The following PIP5K1A variants were observed in gnomAD, a reference collection of about 807,000 sequenced individuals.
PIP5K1A encodes the protein phosphatidylinositol-4-phosphate 5-kinase type 1 alpha.
In PIP5K1A, 46 loss-of-function variants were observed where a neutral mutation model predicts 72.9. That is an observed-to-expected ratio of 0.63 (90% confidence interval 0.50 to 0.81). The LOEUF (loss-of-function observed/expected upper bound fraction) is 0.81, where lower values mean the gene tolerates loss of function less well. Ranked by LOEUF, PIP5K1A falls within the 30% of genes least tolerant of loss-of-function variation. The pLI is 0.00. For synonymous variants in PIP5K1A, 228 were observed against 255.1 expected, an observed-to-expected ratio of 0.89 and a Z score of 1.01; for missense variants, 458 against 706.1, an observed-to-expected ratio of 0.65 and a Z score of 3.98.
intron 1 of PIP5K1A, among the ~76,000 whole-genome samples, chr1:151,219,994 G>T (rs1308827159): frequency 6.6e-6 from 1 of 150,906 alleles, no homozygotes; most frequent in Non-Finnish European, 1.5e-5. Context: ...CTCAATGCCT[G>T]TCTCTGTTTC....
chr1:151,219,242 G>T (rs1156803563), intron 1 of PIP5K1A, among the ~76,000 whole-genome samples: 3 of 152,016 alleles, frequency 2.0e-5, no homozygotes, highest in African/African-American at 7.2e-5. Flanking sequence ...TTAGCCAGGT[G>T]TGGTGGTGCA....
rs587629207 is a variant in PIP5K1A at position 151,227,168 on chromosome 1, A to T, written c.157-152A>T. 4.3e-5 allele frequency: 23 copies of T among 540,854 alleles called. No individual in the cohort carries two copies. In the South Asian group the frequency reaches 5.8e-4, roughly 14 times the overall value. The allele number at this position is 540,854 out of a possible 1,614,324, so 33.5% of individuals were successfully genotyped here. Reference sequence around the variant, plus strand: ...CATTGGGAACCAACATTATAGCTGTATATTTGCATGGGATAGATCTGAAGA... The same window carrying T: ...CATTGGGAACCAACATTATAGCTGTTTATTTGCATGGGATAGATCTGAAGA... On this transcript the variant is annotated intron_variant, in intron 3 of 15. Coordinates refer to ENST00000368888, the MANE Select transcript of PIP5K1A (RefSeq NM_001135638.2).
At chr1:151,244,232 A>C (rs1436467454) in intron 14 of PIP5K1A, among the ~76,000 whole-genome samples, 2 of 151,864 alleles carry the variant, frequency 1.3e-5, no homozygotes, top group Non-Finnish European at 2.9e-5. Flanking sequence ...TATGTACTGT[A>C]CAGTTAGGCC....
intron 14 of PIP5K1A, among the ~76,000 whole-genome samples, chr1:151,245,616 A>T (rs927582964): frequency 1.3e-5 from 2 of 152,108 alleles, no homozygotes; most frequent in Non-Finnish European, 2.9e-5. Context: ...GTTCATTGCA[A>T]CTTCCGCCTC....
intron 1 of PIP5K1A, among the ~76,000 whole-genome samples, chr1:151,216,451 T>G (rs1687633218): frequency 6.6e-6 from 1 of 151,958 alleles, no homozygotes; most frequent in Admixed American, 6.6e-5. Context: ...TGACGCTGGC[T>G]CCCATATCTC....
chr1:151,207,960 G>A (rs1390058193), intron 1 of PIP5K1A, among the ~76,000 whole-genome samples: 1 of 149,570 alleles, frequency 6.7e-6, no homozygotes, highest in African/African-American at 2.5e-5. Flanking sequence ...CTCCTCCTGA[G>A]TTCAAGTGAT....
In PIP5K1A at chr1:151,198,560, G is replaced by C. The variant is rs931407104; in HGVS notation, c.-437G>C. 5.1e-6 allele frequency: 1 copy of C among 197,734 alleles called. No individual in the cohort carries two copies. The highest frequency in any genetic ancestry group is 1.1e-5 in the Non-Finnish European group (1 of 94,076). The allele number at this position is 197,734 out of a possible 1,614,324, so 12.2% of individuals were successfully genotyped here. On this transcript the variant is annotated 5_prime_UTR_variant, in exon 1 of 16. Coordinates refer to ENST00000368888, the MANE Select transcript of PIP5K1A (RefSeq NM_001135638.2). ...CGCATGCGCAGTGCTCGGATTTTTT[G>C]CTTGGCTACCCGGAGTGAAGCGGCC...
chr1:151,227,902 A>G (rs972189263), intron 4 of PIP5K1A, among the ~76,000 whole-genome samples: 2 of 152,204 alleles, frequency 1.3e-5, no homozygotes, highest in Admixed American at 6.5e-5. Flanking sequence ...AGAAAAAAAA[A>G]TTAGTGAACA....
intron 3 of PIP5K1A, among the ~76,000 whole-genome samples, chr1:151,226,025 C>T (rs958507445): frequency 6.6e-6 from 1 of 151,724 alleles, no homozygotes; most frequent in Admixed American, 6.6e-5. Context: ...GTGATCTTCC[C>T]CACTTGGCCT....
At chr1:151,231,637 T>G in intron 4 of PIP5K1A, 34 bp from the exon 5 acceptor site, 2 of 1,605,622 alleles carry the variant, frequency 1.2e-6, no homozygotes, top group African/African-American at 1.3e-5. Flanking sequence ...CTACTTATAC[T>G]AGGAATTTTC....
intron 4 of PIP5K1A, 47 bp from the exon 5 acceptor site, chr1:151,231,624 A>T (rs1690088097): frequency 1.3e-6 from 2 of 1,558,870 alleles, no homozygotes; most frequent in East Asian, 4.5e-5. Context: ...TATTGTTATG[A>T]TCCTACTTAT....
At chr1:151,197,316 T>C (rs1684648716), upstream of PIP5K1A, among the ~76,000 whole-genome samples, 1 of 152,100 alleles carries the variant, frequency 6.6e-6, no homozygotes, top group African/African-American at 2.4e-5. Flanking sequence ...TTTCGCTCTG[T>C]CGTCCAGGCT....
intron 1 of PIP5K1A, among the ~76,000 whole-genome samples, chr1:151,221,655 G>A (rs1454672730): frequency 6.6e-6 from 1 of 152,114 alleles, no homozygotes; most frequent in Non-Finnish European, 1.5e-5. Flanking sequence ...ATAAATCATG[G>A]GTATGGATTA....
intron 1 of PIP5K1A, among the ~76,000 whole-genome samples, chr1:151,215,377 G>A (rs1182688704): frequency 6.9e-6 from 1 of 144,834 alleles, no homozygotes; most frequent in East Asian, 2.1e-4. Context: ...GTGTCATCCA[G>A]CCTGGAGTGC....
rs587724687 is a variant in PIP5K1A at position 151,234,671 on chromosome 1, C to T, written c.939+175C>T. On this transcript the variant is annotated intron_variant, in intron 8 of 15. Coordinates refer to ENST00000368888, the MANE Select transcript of PIP5K1A (RefSeq NM_001135638.2). ...TTCCTTTACATTTTTACTTTCTCCCCGTTTATCCTCCCACAATGGGATTTA... is the reference window on the plus strand; with the variant it reads ...TTCCTTTACATTTTTACTTTCTCCCTGTTTATCCTCCCACAATGGGATTTA... 5.3e-5 allele frequency among the ~76,000 whole-genome samples: 8 copies of T among 152,234 alleles called. No homozygotes were observed. The East Asian group carries it at 7.7e-4, about 15-fold the overall frequency.
chr1:151,227,726 A>AATTTTT (rs1689360032), intron 4 of PIP5K1A, among the ~76,000 whole-genome samples: 3 of 152,136 alleles, frequency 2.0e-5, no homozygotes, highest in Non-Finnish European at 2.9e-5. Flanking sequence ...CTCTGTCTCT[A>AATTTTT]CTAAAAATAC....
At chr1:151,198,019 T>G (rs1197791026), upstream of PIP5K1A, 1 of 470,484 alleles carries the variant, frequency 2.1e-6, no homozygotes, top group Non-Finnish European at 4.4e-6. Flanking sequence ...CACTGATTCA[T>G]GCATCAAATA....
intron 12 of PIP5K1A, among the ~76,000 whole-genome samples, chr1:151,241,882 G>A (rs587628539): frequency 2.6e-5 from 4 of 152,066 alleles, no homozygotes; most frequent in South Asian, 2.1e-4. Context: ...CTCCATGTTG[G>A]GGGGTTAGGT....
intron 4 of PIP5K1A, among the ~76,000 whole-genome samples, chr1:151,227,975 T>C (rs1049588686): frequency 1.3e-5 from 2 of 152,168 alleles, no homozygotes; most frequent in African/African-American, 2.4e-5. Flanking sequence ...TAGGTATAAA[T>C]ATGTAACAAG....
Sources: gnomAD v4.1 joint callset for allele counts (sites outside exome capture counted in the v4.1 genomes callset) on GRCh38, gnomAD v4.1.1 for gene constraint, MANE v1.5 for transcripts, NCBI Gene and HGNC (gene_info 2026-07-23, HGNC 2026-07-21) for gene names.